Variants in CDKL1 observed in about 807,000 individuals in gnomAD.
CDKL1 encodes the protein cyclin-dependent kinase-like 1.
CDKL1 carries 41 observed loss-of-function variants against 42.0 expected under a neutral mutation model. The ratio of observed to expected loss-of-function variants is 0.98; its 90% CI spans 0.76 to 1.27. The LOEUF is 1.27. Among genes scored for constraint, CDKL1 ranks in the 50% most tolerant of loss-of-function variants. CDKL1 has a pLI of 0.00. For missense variants in CDKL1, 394 were observed against 428.4 expected (o/e 0.92, Z 0.71); for synonymous variants, 153 against 158.6 (o/e 0.96, Z 0.26).
chr14:50,397,028 C>G, upstream of CDKL1: 1 of 1,246,830 alleles, frequency 8.0e-7, no homozygotes, highest in South Asian at 1.3e-5. Flanking sequence ...CCTCGGAGGG[C>G]CGCCCTCCGT....
At chr14:50,334,507 TC>T in intron 8 of CDKL1, 57 bp downstream of exon 8, 2 of 929,572 alleles carry the variant, frequency 2.2e-6, no homozygotes, top group Non-Finnish European at 1.8e-6. Flanking sequence ...TAATTCAGAT[TC>T]CCCAGTGATG....
chr14:50,331,950 T>A (rs888418273), intron 9 of CDKL1: 35 of 1,317,832 alleles, frequency 2.7e-5, no homozygotes, highest in Non-Finnish European at 3.1e-5. Flanking sequence ...CTGATTTCAT[T>A]TTCCAAAGCC....
intron 3 of CDKL1, chr14:50,358,192 C>A: frequency 8.0e-7 from 1 of 1,254,958 alleles, no homozygotes; most frequent in Non-Finnish European, 1.0e-6. Flanking sequence ...GGAGTCACTC[C>A]CACCCTTCTC....
Position 50,332,359 on chromosome 14 carries a change from ATGTTT to A in CDKL1, c.864_868del (p.Glu288AspfsTer51), listed in dbSNP as rs1311673094. ...TTTTGCCAAATCCTCTATTTCTCTG[ATGTTT>A]TCAAAATATGGGTGATGCAACAGCT... On this transcript the variant is annotated frameshift_variant, in exon 9 of 10. Transcript: ENST00000395834. LOFTEE classifies it high-confidence loss of function. The A allele has an allele frequency of 6.2e-7, 1 of 1,614,098 alleles. No homozygotes were observed. The highest frequency in any genetic ancestry group is 8.5e-7 in the Non-Finnish European group (1 of 1,180,022).
intron 3 of CDKL1, among the ~76,000 whole-genome samples, chr14:50,358,306 C>T (rs1017408690): frequency 2.6e-5 from 4 of 152,166 alleles, no homozygotes; most frequent in African/African-American, 9.7e-5. Flanking sequence ...AGTAGACACC[C>T]GGATTGCTTC....
At chr14:50,358,584 T>C (rs2034131339) in intron 3 of CDKL1, among the ~76,000 whole-genome samples, 1 of 150,872 alleles carries the variant, frequency 6.6e-6, no homozygotes, top group Non-Finnish European at 1.5e-5. Flanking sequence ...CTTTCTGCTG[T>C]CCACCTTGGC....
chr14:50,388,647 T>C (rs1257031596), intron 2 of CDKL1, among the ~76,000 whole-genome samples: 1 of 152,226 alleles, frequency 6.6e-6, no homozygotes, highest in Non-Finnish European at 1.5e-5. Flanking sequence ...GCTTGACCGC[T>C]GTTAGATGTT....
At chr14:50,342,037 T>C in intron 5 of CDKL1, 95 bp downstream of exon 5, 1 of 923,290 alleles carries the variant, frequency 1.1e-6, no homozygotes, top group Non-Finnish European at 1.7e-6. Context: ...AATATACAAG[T>C]ACTATCTTGT....
At chr14:50,335,390 A>T in intron 7 of CDKL1, 1 of 1,179,432 alleles carries the variant, frequency 8.5e-7, no homozygotes, top group Admixed American at 2.0e-5. Flanking sequence ...AGGTGAACAG[A>T]TGCTTCTTGA....
At chr14:50,338,860 G>A (rs1309756066) in intron 7 of CDKL1, 87 bp downstream of exon 7, 37 of 860,928 alleles carry the variant, frequency 4.3e-5, no homozygotes, top group Non-Finnish European at 7.1e-5. Flanking sequence ...CTCCAATGCA[G>A]GGTGAGCCAT....
chr14:50,393,249 A>C (rs1243957998), intron 2 of CDKL1, among the ~76,000 whole-genome samples: 1 of 152,202 alleles, frequency 6.6e-6, no homozygotes. Flanking sequence ...AAGGGTACAC[A>C]TGCCCTGCTC....
intron 2 of CDKL1, chr14:50,363,266 C>T: frequency 5.1e-6 from 1 of 194,874 alleles, no homozygotes; most frequent in Non-Finnish European, 1.1e-5. Flanking sequence ...AGACCAAGAA[C>T]CCACCAATTC....
chr14:50,379,777 G>T (rs1313418535), intron 2 of CDKL1, among the ~76,000 whole-genome samples: 2 of 152,220 alleles, frequency 1.3e-5, no homozygotes, highest in African/African-American at 4.8e-5. Flanking sequence ...CTAGATCTAA[G>T]TCAGTTCCAG....
intron 7 of CDKL1, chr14:50,335,334 C>G: frequency 1.4e-4 from 44 of 309,290 alleles, no homozygotes; most frequent in Middle Eastern, 1.1e-3. Flanking sequence ...AGCTCTAATT[C>G]TAATTATATA....
At chr14:50,333,175 G>A (rs1002703812) in intron 8 of CDKL1, 2 of 152,522 alleles carry the variant, frequency 1.3e-5, no homozygotes, top group East Asian at 1.9e-4. Context: ...AATAGGGGCT[G>A]GGTAAAATAA....
chr14:50,382,269 G>A (rs1006057244), intron 2 of CDKL1, among the ~76,000 whole-genome samples: 3 of 152,026 alleles, frequency 2.0e-5, no homozygotes, highest in African/African-American at 4.8e-5. Flanking sequence ...TGGCTAACGC[G>A]GTGGAACCCC....
intron 4 of CDKL1, 94 bp downstream of exon 4, chr14:50,344,892 T>G (rs1323120715): frequency 3.8e-6 from 4 of 1,056,012 alleles, no homozygotes; most frequent in Non-Finnish European, 5.6e-6. Context: ...GGTAAAAAAT[T>G]TTACCCACAG....
intron 2 of CDKL1, among the ~76,000 whole-genome samples, chr14:50,367,989 C>T (rs2034479930): frequency 6.6e-6 from 1 of 152,116 alleles, no homozygotes; most frequent in African/African-American, 2.4e-5. Flanking sequence ...AACAGGGTCT[C>T]ACTCTGTCAC....
At chr14:50,373,585 G>C (rs776797681) in intron 2 of CDKL1, among the ~76,000 whole-genome samples, 1 of 151,864 alleles carries the variant, frequency 6.6e-6, no homozygotes. Flanking sequence ...AAAACCAAAC[G>C]GACCAAAAAA....
Sources: allele counts gnomAD v4.1 joint callset (sites outside exome capture counted in the v4.1 genomes callset), GRCh38; gene constraint gnomAD v4.1.1; transcripts MANE v1.5; gene names NCBI Gene and HGNC (gene_info 2026-07-23, HGNC 2026-07-21).